GALC: variants seen among roughly 807,000 people sequenced by gnomAD.
The protein encoded by GALC is galactocerebrosidase.
GALC carries 77 observed loss-of-function variants against 91.8 expected under a neutral mutation model. That is an observed-to-expected ratio of 0.84 (90% CI 0.70 to 1.01). The LOEUF (loss-of-function observed/expected upper bound fraction) is 1.01. Among genes scored for constraint, GALC ranks in the 50% least tolerant of loss-of-function variants. GALC has a pLI of 0.00. For synonymous variants in GALC, 357 were observed against 306.7 expected, an observed-to-expected ratio of 1.16 and a Z score of -1.71; for missense variants, 882 against 855.9, an observed-to-expected ratio of 1.03 and a Z score of -0.38.
upstream of GALC, chr14:87,993,206 C>A (rs928305028): frequency 9.7e-6 from 15 of 1,553,414 alleles, no homozygotes; most frequent in Non-Finnish European, 1.3e-5. Context: ...AGGCGGGTCC[C>A]GTCGCCGCCA....
rs1465273933 is a variant in GALC at position 87,947,755 on chromosome 14, T to C, written c.1462A>G (p.Ser488Gly). ...ACATTGAAATCATCCTTATAGGTAC[T>C]TGGGAAGGGCTGGGATTTTGGAGGA... ...PLPPKSQPFP[S>G]TYKDDFNVDY... Residue 488 changes from serine to glycine, a missense_variant, in exon 13 of 17, where the codon AGT (serine) becomes GGT (glycine). Ser to Gly is a moderately conservative substitution (Grantham distance 56, BLOSUM62 0). Transcript: ENST00000261304. The C allele has an allele frequency of 1.2e-6, 2 of 1,612,946 alleles. No individual in the cohort carries two copies. Among genetic ancestry groups the C allele is most frequent in the Non-Finnish European group, 1.7e-6 (2 of 1,179,254 alleles).
Position 87,984,446 on chromosome 14 carries a change from G to T in GALC, c.530C>A (p.Thr177Asn), listed in dbSNP as rs115869593. Residue 177 changes from threonine (T) to asparagine (N), a missense_variant, in exon 5 of 17, where the codon ACC becomes AAC. Physicochemically the swap from Thr to Asn is moderately conservative, Grantham distance 65. Coordinates refer to ENST00000261304, the MANE Select transcript of GALC (RefSeq NM_000153.4). ...NLQLTAYYVV[T>N]WIVGAKRYHD... ...GTAACGCTTGGCGCCCACAATCCAGGTCACGACATAATAGGCAGTCAGCTG... is the reference window on the plus strand; with the variant it reads ...GTAACGCTTGGCGCCCACAATCCAGTTCACGACATAATAGGCAGTCAGCTG... 2.1e-4 allele frequency: 339 copies of T among 1,614,022 alleles called. 3 individuals are homozygous for T. In the African/African-American group the frequency reaches 4.2e-3, roughly 20 times the overall value.
chr14:87,945,461 G>A (rs1885032417), intron 14 of GALC, 92 bp downstream of exon 14: 2 of 938,432 alleles, frequency 2.1e-6, no homozygotes, highest in Non-Finnish European at 3.5e-6. Context: ...TCTTGAAATA[G>A]GAGGACCATT....
intron 10 of GALC, chr14:87,952,849 T>C (rs964611752): frequency 8.5e-6 from 10 of 1,171,228 alleles, no homozygotes; most frequent in African/African-American, 7.6e-5. Context: ...AGCTCTAATA[T>C]GCAAATATGT....
intron 6 of GALC, among the ~76,000 whole-genome samples, chr14:87,979,573 T>C (rs868217442): frequency 1.3e-5 from 2 of 152,298 alleles, no homozygotes; most frequent in Middle Eastern, 6.8e-3. Context: ...AGACTCTTAA[T>C]AGTAAAAAAG....
intron 3 of GALC, among the ~76,000 whole-genome samples, chr14:87,987,280 A>G (rs1461727493): frequency 1.3e-5 from 2 of 152,204 alleles, no homozygotes; most frequent in African/African-American, 2.4e-5. Context: ...TTCTTCTTAA[A>G]GGTAAACATC....
chr14:87,991,393 G>C (rs552174944), intron 1 of GALC, among the ~76,000 whole-genome samples: 1 of 152,096 alleles, frequency 6.6e-6, no homozygotes, highest in Non-Finnish European at 1.5e-5. Flanking sequence ...TAGTAGAGAC[G>C]GGGTTTCACC....
chr14:87,992,941 C>T (rs1310892700), intron 1 of GALC, 29 bp downstream of exon 1: 3 of 1,501,678 alleles, frequency 2.0e-6, no homozygotes, highest in Non-Finnish European at 2.6e-6. Context: ...CTTGCCGCCC[C>T]CCGCGTATCC....
chr14:87,986,183 G>A (rs1326905619), intron 4 of GALC, among the ~76,000 whole-genome samples: 4 of 152,084 alleles, frequency 2.6e-5, no homozygotes, highest in Non-Finnish European at 5.9e-5. Flanking sequence ...TGCTAACACC[G>A]ATTTTGCCAT....
In GALC at chr14:87,952,840, G is replaced by A. The variant is rs1885368447; in HGVS notation, c.1162-2092C>T. On this transcript the variant is annotated intron_variant, in intron 10 of 16. Coordinates refer to ENST00000261304, the MANE Select transcript of GALC (RefSeq NM_000153.4). ...TCCTCTAGACTGAGTGAGGTAACGA[G>A]CTCTAATATGCAAATATGTGGATTT... 4 of 1,236,808 alleles carry A rather than the reference G, an allele frequency of 3.2e-6. No individual in the cohort carries two copies. The South Asian group carries it at 3.6e-5, about 11-fold the overall frequency. 76.6% of individuals were successfully genotyped at this position (1,236,808 alleles called of 1,614,324 possible).
chr14:87,953,926 A>G, intron 10 of GALC: 1 of 1,610,206 alleles, frequency 6.2e-7, no homozygotes, highest in East Asian at 2.2e-5. Flanking sequence ...GTAATTGATC[A>G]ATCAGAAACT....
intron 10 of GALC, chr14:87,954,558 A>C: frequency 6.4e-7 from 1 of 1,562,424 alleles, no homozygotes; most frequent in Non-Finnish European, 8.7e-7. Flanking sequence ...TTTGATGATG[A>C]TGTAAGGGCA....
chr14:87,988,124 T>C lies in GALC; in HGVS notation c.328+20A>G, dbSNP rs1341975900. The C allele has an allele frequency of 1.2e-6, 2 of 1,601,252 alleles. No homozygotes were observed. Among genetic ancestry groups the C allele is most frequent in the Non-Finnish European group, 1.7e-6 (2 of 1,168,336 alleles). ...ATTAAAATGTTGATGGGAGAAATCCTATCTCCCAAATTCTCCTACCTGTTG... is the reference window on the plus strand; with the variant it reads ...ATTAAAATGTTGATGGGAGAAATCCCATCTCCCAAATTCTCCTACCTGTTG... On this transcript the variant is annotated intron_variant, in intron 3 of 16. Transcript: ENST00000261304.
At chr14:87,987,015 G>A (rs998565556) in intron 3 of GALC, 1 of 454,418 alleles carries the variant, frequency 2.2e-6, no homozygotes, top group South Asian at 1.6e-5. Context: ...CTGGACTCGT[G>A]AGCCCTGTTC....
At chr14:87,976,540 T>C in intron 6 of GALC, 52 bp from the exon 7 acceptor site, 1 of 1,468,608 alleles carries the variant, frequency 6.8e-7, no homozygotes, top group Non-Finnish European at 9.5e-7. Flanking sequence ...AATTTTTAGC[T>C]GTTGAATTTA....
At chr14:87,962,578 T>TACACACACAC (rs36205603) in intron 10 of GALC, among the ~76,000 whole-genome samples, 8 of 146,438 alleles carry the variant, frequency 5.5e-5, no homozygotes, top group African/African-American at 1.8e-4. Flanking sequence ...CCTGATATGA[T>TACACACACAC]ACACACACAC....
At chr14:87,953,478 T>C in intron 10 of GALC, 3 of 1,586,156 alleles carry the variant, frequency 1.9e-6, no homozygotes, top group Non-Finnish European at 2.6e-6. Flanking sequence ...ACATAAACTC[T>C]GACAAAGGTC....
intron 8 of GALC, among the ~76,000 whole-genome samples, chr14:87,966,495 T>A (rs577381322): frequency 6.7e-6 from 1 of 149,536 alleles, no homozygotes; most frequent in Non-Finnish European, 1.5e-5. Context: ...CAAGTCCTCA[T>A]CCAGTATAAA....
rs1404813317 is a variant in GALC at position 87,976,642 on chromosome 14, G to A, written c.622-154C>T. On this transcript the variant is annotated intron_variant, in intron 6 of 16. Coordinates refer to ENST00000261304, the MANE Select transcript of GALC (RefSeq NM_000153.4). ...GTTTGTTTGTTTTTCTCAGACAGAG[G>A]CTTCTCTCGTCGCCCAGGCTGGAGT... 28 of 676,226 alleles carry A rather than the reference G, an allele frequency of 4.1e-5. No homozygotes were observed. The East Asian group carries it at 8.2e-4, about 20-fold the overall frequency. The allele number at this position is 676,226 out of a possible 1,614,324, so 41.9% of individuals were successfully genotyped here. A position where few individuals can be genotyped will look rare whatever the true frequency, so the allele number is the denominator to read the frequency against.
Sources: allele counts gnomAD v4.1 joint callset (sites outside exome capture counted in the v4.1 genomes callset), GRCh38; gene constraint gnomAD v4.1.1; transcripts MANE v1.5; gene names NCBI Gene and HGNC (gene_info 2026-07-23, HGNC 2026-07-21).